The following TYW1 variants were observed in gnomAD, a reference collection of about 807,000 sequenced individuals.
TYW1 encodes the protein S-adenosyl-L-methionine-dependent tRNA 4-demethylwyosine synthase TYW1.
TYW1 carries 46 observed loss-of-function variants against 96.2 expected under a neutral mutation model. The observed-to-expected ratio is 0.48, with a 90% CI of 0.38 to 0.61. TYW1 has a LOEUF of 0.61. Ranked by LOEUF, TYW1 falls within the 20% of genes least tolerant of loss-of-function variation. The pLI is 0.00. For synonymous variants in TYW1, 274 were observed against 323.0 expected, an observed-to-expected ratio of 0.85 and a Z score of 1.63; for missense variants, 684 against 909.6, an observed-to-expected ratio of 0.75 and a Z score of 3.19.
intron 7 of TYW1, among the ~76,000 whole-genome samples, chr7:67,025,306 A>T (rs1794412618): frequency 6.6e-6 from 1 of 152,116 alleles, no homozygotes; most frequent in South Asian, 2.1e-4. Flanking sequence ...TTCCTGGGCC[A>T]CATTGGTAGA....
chr7:67,162,821 T>C (rs1158115836), intron 13 of TYW1, among the ~76,000 whole-genome samples: 2 of 152,212 alleles, frequency 1.3e-5, no homozygotes, highest in African/African-American at 4.8e-5. Context: ...ATTGTTTCTC[T>C]TATTTCTGTT....
intron 15 of TYW1, among the ~76,000 whole-genome samples, chr7:67,204,844 T>C (rs768045767): frequency 6.6e-6 from 1 of 152,046 alleles, no homozygotes; most frequent in Non-Finnish European, 1.5e-5. Flanking sequence ...TCCACCCACC[T>C]CCACCTCCCT....
intron 15 of TYW1, among the ~76,000 whole-genome samples, chr7:67,209,099 G>T (rs556400449): frequency 6.6e-6 from 1 of 152,168 alleles, no homozygotes; most frequent in South Asian, 2.1e-4. Context: ...GGCAAAGACC[G>T]CAATTACTTT....
chr7:67,112,465 A>C (rs1797451768), intron 12 of TYW1, among the ~76,000 whole-genome samples: 1 of 152,026 alleles, frequency 6.6e-6, no homozygotes. Flanking sequence ...AAAATACAAA[A>C]ATTAGGCAGG....
chr7:67,095,155 C>T (rs1364930589), intron 11 of TYW1, among the ~76,000 whole-genome samples: 2 of 151,966 alleles, frequency 1.3e-5, no homozygotes, highest in African/African-American at 2.4e-5. Flanking sequence ...TGCACCACCA[C>T]GCCTGGCTAA....
At chr7:67,209,294 G>T (rs997576580) in intron 15 of TYW1, among the ~76,000 whole-genome samples, 21 of 152,326 alleles carry the variant, frequency 1.4e-4, no homozygotes, top group Admixed American at 9.8e-4. Context: ...TTTGGAGGGG[G>T]TGGCTGGGAG....
intron 10 of TYW1, among the ~76,000 whole-genome samples, chr7:67,076,902 C>G (rs10252479): frequency 6.6e-6 from 1 of 151,274 alleles, no homozygotes; most frequent in African/African-American, 2.4e-5. Context: ...AGCCTCCTGA[C>G]TAACTGGGAT....
intron 15 of TYW1, among the ~76,000 whole-genome samples, chr7:67,230,183 A>T (rs1801703466): frequency 6.6e-6 from 1 of 151,936 alleles, no homozygotes. Context: ...GCTCTCATTC[A>T]AAAGATAGGA....
At chr7:67,109,104 T>G (rs934190453) in intron 12 of TYW1, among the ~76,000 whole-genome samples, 8 of 151,324 alleles carry the variant, frequency 5.3e-5, no homozygotes, top group Admixed American at 5.3e-4. Flanking sequence ...AAACCCTGTC[T>G]CTACTAAAAA....
Position 67,237,072 on chromosome 7 carries a change from G to A in TYW1, c.1978-1236G>A, listed in dbSNP as rs925108987. ...GGCTAATTTTTGTATTTTTAGTAGA[G>A]ATAGGGTTTTACCATGTTGGCCAAG... On this transcript the variant is annotated intron_variant, in intron 15 of 15. Transcript: ENST00000359626. Among the ~76,000 whole-genome samples the A allele has an allele frequency of 3.3e-5, 5 of 152,276 alleles. No homozygotes were observed. In the East Asian group the frequency reaches 9.7e-4, roughly 30 times the overall value.
chr7:67,109,352 A>G (rs1231959611), intron 12 of TYW1, among the ~76,000 whole-genome samples: 88 of 151,726 alleles, frequency 5.8e-4, no homozygotes, highest in Non-Finnish European at 4.4e-5. Flanking sequence ...TGTGGGTTGG[A>G]TGTCAGCAGA....
chr7:67,070,510 T>C (rs577243703), intron 10 of TYW1, among the ~76,000 whole-genome samples: 1 of 152,324 alleles, frequency 6.6e-6, no homozygotes, highest in Admixed American at 6.5e-5. Flanking sequence ...GGTTTTTCTT[T>C]GGCCTGTTCA....
At chr7:67,083,166 G>C (rs1415924652) in intron 10 of TYW1, among the ~76,000 whole-genome samples, 1 of 152,200 alleles carries the variant, frequency 6.6e-6, no homozygotes, top group Non-Finnish European at 1.5e-5. Context: ...AAGCAGCAGA[G>C]AGCGTTCTGT....
At chr7:67,110,955 T>C (rs1002360661) in intron 12 of TYW1, among the ~76,000 whole-genome samples, 16 of 152,082 alleles carry the variant, frequency 1.1e-4, no homozygotes, top group African/African-American at 3.9e-4. Flanking sequence ...CAGTGAGCCA[T>C]GATCATGCCA....
At chr7:67,104,529 A>G (rs949460002) in intron 12 of TYW1, among the ~76,000 whole-genome samples, 21 of 152,188 alleles carry the variant, frequency 1.4e-4, no homozygotes, top group African/African-American at 5.1e-4. Context: ...AACATTGAGG[A>G]TTATGAATTC....
chr7:67,049,330 T>C (rs1396203176), intron 7 of TYW1, among the ~76,000 whole-genome samples: 2 of 152,202 alleles, frequency 1.3e-5, no homozygotes, highest in Non-Finnish European at 2.9e-5. Context: ...CAGCTATCTG[T>C]ACTGAGATTG....
chr7:67,138,137 C>G (rs1361574649), intron 13 of TYW1, among the ~76,000 whole-genome samples: 1 of 152,072 alleles, frequency 6.6e-6, no homozygotes, highest in African/African-American at 2.4e-5. Flanking sequence ...GGGTTCCATC[C>G]CCTGTGAAGC....
Position 67,209,368 on chromosome 7 carries a change from A to G in TYW1, c.1977+14031A>G, listed in dbSNP as rs141370553. Among the ~76,000 whole-genome samples, 397 of 152,294 alleles carry G rather than the reference A, an allele frequency of 2.6e-3. 3 individuals carry two copies. Among genetic ancestry groups the G allele is most frequent in the African/African-American group, 9.1e-3 (377 of 41,572 alleles). Reference sequence around the variant, plus strand: ...GCAGCTTAAATGTAACCTTGGTCCTATCAGTCTGGAAATTAATTAGACCAT... The same window carrying G: ...GCAGCTTAAATGTAACCTTGGTCCTGTCAGTCTGGAAATTAATTAGACCAT... On this transcript the variant is annotated intron_variant, in intron 15 of 15. Transcript: ENST00000359626.
At chr7:67,001,442 A>G (rs1194154781) in intron 3 of TYW1, among the ~76,000 whole-genome samples, 3 of 150,014 alleles carry the variant, frequency 2.0e-5, no homozygotes, top group Non-Finnish European at 4.4e-5. Flanking sequence ...TATTTTTTTG[A>G]GATGGAGCCT....
Sources: allele counts gnomAD v4.1 joint callset (sites outside exome capture counted in the v4.1 genomes callset), GRCh38; gene constraint gnomAD v4.1.1; transcripts MANE v1.5; gene names NCBI Gene and HGNC (gene_info 2026-07-23, HGNC 2026-07-21).